RB1: variants seen among roughly 807,000 people sequenced by gnomAD.
RB1 encodes the protein retinoblastoma-associated protein.
Under a neutral mutation model 135.4 loss-of-function variants are expected in RB1, and 18 were observed. The ratio of observed to expected loss-of-function variants is 0.13; its 90% CI spans 0.09 to 0.20. The LOEUF is 0.20. Among genes scored for constraint, RB1 ranks in the 10% least tolerant of loss-of-function variants. The probability of loss-of-function intolerance (pLI) is 1.00; values close to 1 mark genes in which losing one functional copy is unlikely to be tolerated. For missense variants in RB1, 868 were observed against 1,110.0 expected (o/e 0.78, Z 3.10); for synonymous variants, 365 against 373.2 (o/e 0.98, Z 0.25).
intron 17 of RB1, among the ~76,000 whole-genome samples, chr13:48,426,408 A>T (rs769135443): frequency 1.2e-4 from 19 of 152,234 alleles, no homozygotes; most frequent in Non-Finnish European, 2.4e-4. Flanking sequence ...AGCACTGCTA[A>T]TGTACAGCCA....
At position 48,481,756 on chromosome 13, in the gene RB1, A is replaced by G. The variant is rs1016983640; in HGVS notation, c.*1685A>G. 2.2e-5 allele frequency: 5 copies of G among 229,630 alleles called. No homozygotes were observed. In the East Asian group the frequency reaches 3.2e-4, roughly 14 times the overall value. 14.2% of individuals were successfully genotyped at this position (229,630 alleles called of 1,614,324 possible). On this transcript the variant is annotated 3_prime_UTR_variant, in exon 27 of 27. Coordinates refer to ENST00000267163, the MANE Select transcript of RB1 (RefSeq NM_000321.3). ...AGAGATCGTGTATTGAGATTTCTTA[A>G]ATAATGCTTCAGATATTATTGCTTT...
chr13:48,450,442 T>TG (rs1949319823), intron 17 of RB1, among the ~76,000 whole-genome samples: 1 of 152,206 alleles, frequency 6.6e-6, no homozygotes, highest in Non-Finnish European at 1.5e-5. Context: ...TGCTTGTTTT[T>TG]GTCAGGTTTG....
chr13:48,365,055 T>A (rs910317358), intron 9 of RB1, 84 bp downstream of exon 9: 1 of 1,462,780 alleles, frequency 6.8e-7, no homozygotes, highest in East Asian at 2.5e-5. Flanking sequence ...TAGATCAATT[T>A]ACTGTGTATC....
At chr13:48,317,081 C>T in intron 2 of RB1, 1 of 853,666 alleles carries the variant, frequency 1.2e-6, no homozygotes, top group South Asian at 2.7e-5. Context: ...TTGGCCAGGG[C>T]CCGCCGTCCT....
At chr13:48,398,305 A>G (rs2138175373) in intron 17 of RB1, among the ~76,000 whole-genome samples, 1 of 152,258 alleles carries the variant, frequency 6.6e-6, no homozygotes, top group East Asian at 1.9e-4. Flanking sequence ...TTCCTAATAT[A>G]GCTTTGCCCT....
At chr13:48,419,956 G>A (rs1948980003) in intron 17 of RB1, among the ~76,000 whole-genome samples, 1 of 152,222 alleles carries the variant, frequency 6.6e-6, no homozygotes, top group South Asian at 2.1e-4. Context: ...TTCTGCCAGA[G>A]GTACAAGGAG....
intron 17 of RB1, among the ~76,000 whole-genome samples, chr13:48,403,597 G>A (rs78292324): frequency 0.045 from 6,879 of 152,132 alleles, 531 homozygotes; most frequent in African/African-American, 0.15. Context: ...TAATCAGGAA[G>A]GTTTTCTAAA....
chr13:48,389,571 T>A (rs190130441), intron 17 of RB1: 3 of 152,310 alleles, frequency 2.0e-5, no homozygotes, highest in Non-Finnish European at 2.9e-5. Flanking sequence ...AACAAATTAG[T>A]GGCTTTAAAC....
intron 12 of RB1, among the ~76,000 whole-genome samples, chr13:48,375,505 C>T (rs1174103970): frequency 1.3e-5 from 2 of 149,576 alleles, no homozygotes; most frequent in East Asian, 1.9e-4. Flanking sequence ...TATAGAATTG[C>T]TGATATTCTA....
intron 17 of RB1, chr13:48,426,812 G>C (rs1482541208): frequency 6.6e-6 from 1 of 152,218 alleles, no homozygotes; most frequent in Non-Finnish European, 1.5e-5. Context: ...AGAAATACCT[G>C]AGACTGGGTA....
At position 48,328,250 on chromosome 13, in the gene RB1, C is replaced by T. The variant is rs945729339; in HGVS notation, c.265-14349C>T. The T allele has an allele frequency of 2.9e-5, 44 of 1,512,842 alleles. No individual in the cohort carries two copies. In the African/African-American group the frequency reaches 5.4e-4, roughly 18 times the overall value. 93.7% of individuals were successfully genotyped at this position (1,512,842 alleles called of 1,614,324 possible). A position where few individuals can be genotyped will look rare whatever the true frequency, so the allele number is the denominator to read the frequency against. On this transcript the variant is annotated intron_variant, in intron 2 of 26. Coordinates refer to ENST00000267163, the MANE Select transcript of RB1 (RefSeq NM_000321.3). Reference sequence around the variant, plus strand: ...TCATCTTTGCTTCTGGAGGCCTTTCCTCTGATTCACTATCTTCATCTTCAT... The same window carrying T: ...TCATCTTTGCTTCTGGAGGCCTTTCTTCTGATTCACTATCTTCATCTTCAT...
Position 48,340,589 on chromosome 13 carries a change from G to GAAA in RB1, c.265-2003_265-2001dup, listed in dbSNP as rs143659593. 3.7e-4 allele frequency among the ~76,000 whole-genome samples: 55 copies of GAAA among 149,218 alleles called. 1 individual carries two copies. Among genetic ancestry groups the GAAA allele is most frequent in the East Asian group, 1.4e-3 (7 of 5,112 alleles). ...TTTTAATCTTTAAAAGAGAGAGAGA[G>GAAA]AAAAAAAAAGGCTGGAATTGATGAA... On this transcript the variant is annotated intron_variant, in intron 2 of 26. Transcript: ENST00000267163.
chr13:48,422,728 G>C (rs1949024799), intron 17 of RB1: 1 of 152,096 alleles, frequency 6.6e-6, no homozygotes, highest in African/African-American at 2.4e-5. Context: ...CTAGGAGGTT[G>C]AGACTGCAGT....
intron 2 of RB1, chr13:48,341,239 G>A (rs1952440084): frequency 6.6e-6 from 1 of 151,758 alleles, no homozygotes; most frequent in African/African-American, 2.4e-5. Context: ...TATCTATATT[G>A]TTATATATAT....
intron 8 of RB1, among the ~76,000 whole-genome samples, 158 bp downstream of exon 8, chr13:48,363,115 T>C (rs1409922532): frequency 6.6e-6 from 1 of 152,210 alleles, no homozygotes; most frequent in Non-Finnish European, 1.5e-5. Flanking sequence ...TAATTCGTTA[T>C]ATTTAGTTAC....
chr13:48,344,559 A>G (rs1952475235), intron 3 of RB1, among the ~76,000 whole-genome samples: 1 of 152,134 alleles, frequency 6.6e-6, no homozygotes, highest in African/African-American at 2.4e-5. Context: ...TAAGTCCAGA[A>G]CTGGGAGTCA....
intron 2 of RB1, chr13:48,320,556 G>A (rs940728842): frequency 1.7e-5 from 8 of 470,716 alleles, no homozygotes; most frequent in African/African-American, 1.2e-4. Flanking sequence ...TTGGCAGCGG[G>A]GTGCAGTGGC....
intron 17 of RB1, among the ~76,000 whole-genome samples, chr13:48,418,137 T>C (rs1948945220): frequency 6.6e-6 from 1 of 151,972 alleles, no homozygotes; most frequent in Admixed American, 6.6e-5. Flanking sequence ...GAGAGAAAGG[T>C]CGGGTTACCT....
intron 17 of RB1, among the ~76,000 whole-genome samples, chr13:48,416,959 C>T (rs953458269): frequency 6.6e-5 from 10 of 152,196 alleles, no homozygotes; most frequent in African/African-American, 2.4e-4. Flanking sequence ...TGGGACAGAG[C>T]ACCTGGGGGA....
Sources: gnomAD v4.1 joint callset for allele counts (sites outside exome capture counted in the v4.1 genomes callset) on GRCh38, gnomAD v4.1.1 for gene constraint, MANE v1.5 for transcripts, NCBI Gene and HGNC (gene_info 2026-07-23, HGNC 2026-07-21) for gene names.